Variants in USH2A observed in about 807,000 individuals in gnomAD.
The protein encoded by USH2A is Usher syndrome 2A (autosomal recessive, mild).
Under a neutral mutation model 538.9 loss-of-function variants are expected in USH2A, and 443 were observed. That is an observed-to-expected ratio of 0.82 (90% CI 0.76 to 0.89). USH2A has a LOEUF of 0.89. Among genes scored for constraint, USH2A ranks in the 40% least tolerant of loss-of-function variants. USH2A has a pLI of 0.00. For missense variants in USH2A, 6,633 were observed against 6,324.8 expected, an observed-to-expected ratio of 1.05 and a Z score of -1.65; for synonymous variants, 2,413 against 2,273.5, an observed-to-expected ratio of 1.06 and a Z score of -1.75.
intron 21 of USH2A, among the ~76,000 whole-genome samples, chr1:216,130,764 G>A (rs442384): frequency 0.33 from 49,798 of 150,292 alleles, 9,177 homozygotes; most frequent in East Asian, 0.71. Flanking sequence ...GATTTGTGCC[G>A]CTATAAACAT....
intron 68 of USH2A, among the ~76,000 whole-genome samples, chr1:215,639,789 A>C (rs1259816935): frequency 6.6e-6 from 1 of 152,224 alleles, no homozygotes; most frequent in African/African-American, 2.4e-5. Flanking sequence ...CCAGGTGACC[A>C]TGAACTGTAA....
At chr1:215,626,180 G>A (rs554544579) in intron 71 of USH2A, among the ~76,000 whole-genome samples, 145 of 150,806 alleles carry the variant, frequency 9.6e-4, no homozygotes, top group South Asian at 3.8e-3. Context: ...GTGTGTGTGT[G>A]TACATATATA....
intron 21 of USH2A, among the ~76,000 whole-genome samples, chr1:216,137,830 G>A (rs1047378012): frequency 2.6e-5 from 4 of 152,046 alleles, no homozygotes; most frequent in Non-Finnish European, 5.9e-5. Context: ...ATCCAATCAA[G>A]TTGACACTCA....
chr1:216,420,466 C>T (rs1036601719), intron 2 of USH2A, among the ~76,000 whole-genome samples: 1 of 151,960 alleles, frequency 6.6e-6, no homozygotes, highest in Non-Finnish European at 1.5e-5. Context: ...GCAAACACCC[C>T]GAAATTCCCC....
At chr1:216,185,493 T>C (rs2034580657) in intron 20 of USH2A, among the ~76,000 whole-genome samples, 1 of 151,940 alleles carries the variant, frequency 6.6e-6, no homozygotes, top group African/African-American at 2.4e-5. Flanking sequence ...TTACTACTTC[T>C]AATTTGTGGT....
chr1:216,409,580 C>A (rs1185740363), intron 3 of USH2A, among the ~76,000 whole-genome samples: 2 of 152,012 alleles, frequency 1.3e-5, no homozygotes, highest in African/African-American at 4.8e-5. Flanking sequence ...AAGGCCATCA[C>A]ACCTACCACC....
rs138640979 is a variant in USH2A, at chr1:215,996,317, A to C, written c.6657+2570T>G. On this transcript the variant is annotated intron_variant, in intron 34 of 71. Coordinates refer to ENST00000307340, the MANE Select transcript of USH2A (RefSeq NM_206933.4). ...CGAAGAAAAAGAAAAAGGCCACTTGATCCATAATTACTTAAAAAGTGAAGC... is the reference window on the plus strand; with the variant it reads ...CGAAGAAAAAGAAAAAGGCCACTTGCTCCATAATTACTTAAAAAGTGAAGC... Among the ~76,000 whole-genome samples the C allele has an allele frequency of 2.0e-5, 3 of 152,312 alleles. No homozygotes were observed. In the East Asian group the frequency reaches 5.8e-4, roughly 29 times the overall value.
intron 21 of USH2A, among the ~76,000 whole-genome samples, chr1:216,151,425 T>G (rs923897647): frequency 3.3e-5 from 5 of 152,078 alleles, no homozygotes; most frequent in Admixed American, 6.5e-5. Flanking sequence ...AGCTCCCTGT[T>G]CCCCTCATGA....
At position 216,082,565 on chromosome 1, in the gene USH2A, T is replaced by A. The variant is rs546902014; in HGVS notation, c.5298+891A>T. On this transcript the variant is annotated intron_variant, in intron 26 of 71. Coordinates refer to ENST00000307340, the MANE Select transcript of USH2A (RefSeq NM_206933.4). The stretch of plus-strand genomic sequence containing the variant: ...CAAGAATCTAAGGGTAAGATGTTCA[T>A]ATTTTTCTCCTGTTTCTATGCTAGT... Among the ~76,000 whole-genome samples, 7 of 152,186 alleles carry A rather than the reference T, an allele frequency of 4.6e-5. No individual in the cohort carries two copies. In the East Asian group the frequency reaches 9.7e-4, roughly 21 times the overall value.
rs540706021 is a variant in USH2A, at chr1:215,988,526, G to A, written c.6805+4494C>T. Among the ~76,000 whole-genome samples the A allele has an allele frequency of 1.7e-4, 26 of 152,286 alleles. 1 individual carries two copies. The East Asian group carries it at 5.0e-3, about 29-fold the overall frequency. On this transcript the variant is annotated intron_variant, in intron 35 of 71. Transcript: ENST00000307340. ...AATTCTTTTGGATATATTTCAAGAA[G>A]TGGGATTGCTACATCATCTAATAAT...
intron 9 of USH2A, among the ~76,000 whole-genome samples, chr1:216,310,618 T>G (rs1464323203): frequency 6.6e-6 from 1 of 152,220 alleles, no homozygotes; most frequent in East Asian, 1.9e-4. Flanking sequence ...TCCATTCTGA[T>G]GGTGAGAGCT....
At position 216,218,633 on chromosome 1, in the gene USH2A, T is replaced by C. The variant is rs144370927; in HGVS notation, c.2994-1083A>G. Among the ~76,000 whole-genome samples the C allele has an allele frequency of 1.2e-4, 19 of 152,228 alleles. No homozygotes were observed. In the East Asian group the frequency reaches 3.3e-3, roughly 26 times the overall value. Reference sequence around the variant, plus strand: ...TGCCAAATAAGCTGCAAATTTGTTTTATGGACTAATATCCCCTTGGGAATA... The same window carrying C: ...TGCCAAATAAGCTGCAAATTTGTTTCATGGACTAATATCCCCTTGGGAATA... On this transcript the variant is annotated intron_variant, in intron 14 of 71. Coordinates refer to ENST00000307340, the MANE Select transcript of USH2A (RefSeq NM_206933.4).
rs1656591387 is a variant in USH2A at position 215,639,072 on chromosome 1, T to C, written c.15052+83A>G. 2.0e-5 allele frequency: 26 copies of C among 1,290,874 alleles called. No homozygotes were observed. In the East Asian group the frequency reaches 6.0e-4, roughly 30 times the overall value. 80.0% of individuals were successfully genotyped at this position (1,290,874 alleles called of 1,614,324 possible). Reference sequence around the variant, plus strand: ...ATAGTCTATGCTAATATATTAGGACTCCAAGTATGTATAAACAAACATATG... The same window carrying C: ...ATAGTCTATGCTAATATATTAGGACCCCAAGTATGTATAAACAAACATATG... On this transcript the variant is annotated intron_variant, in intron 69 of 71. Coordinates refer to ENST00000307340, the MANE Select transcript of USH2A (RefSeq NM_206933.4).
chr1:216,139,411 T>C (rs2102609512), intron 21 of USH2A, among the ~76,000 whole-genome samples: 1 of 147,742 alleles, frequency 6.8e-6, no homozygotes, highest in East Asian at 2.0e-4. Flanking sequence ...TCTTCCCCTC[T>C]ACAGAAAAAA....
At chr1:216,077,137 A>G (rs368565697) in intron 27 of USH2A, among the ~76,000 whole-genome samples, 5 of 152,138 alleles carry the variant, frequency 3.3e-5, no homozygotes, top group African/African-American at 1.2e-4. Flanking sequence ...CTTGTTATGA[A>G]TAATTGACTC....
In USH2A at chr1:216,053,150, A is replaced by G. The variant is rs372303258; in HGVS notation, c.6050-4503T>C. On this transcript the variant is annotated intron_variant, in intron 30 of 71. Coordinates refer to ENST00000307340, the MANE Select transcript of USH2A (RefSeq NM_206933.4). ...TTGATACATAAAGAAGAATGTTTGC[A>G]TACGGGCCAAGTAGACAATGACATT... Among the ~76,000 whole-genome samples, 41 of 152,400 alleles carry G rather than the reference A, an allele frequency of 2.7e-4. No individual in the cohort carries two copies. In the South Asian group the frequency reaches 8.1e-3, roughly 30 times the overall value.
At chr1:215,792,951 T>C (rs1326741530) in intron 50 of USH2A, among the ~76,000 whole-genome samples, 1 of 152,190 alleles carries the variant, frequency 6.6e-6, no homozygotes, top group African/African-American at 2.4e-5. Context: ...AGTAAAGTGG[T>C]ACAGTACACA....
At chr1:215,976,962 G>T (rs1317616362) in intron 35 of USH2A, among the ~76,000 whole-genome samples, 1 of 151,220 alleles carries the variant, frequency 6.6e-6, no homozygotes, top group East Asian at 1.9e-4. Context: ...GGTGGAATTT[G>T]GGTGTGAATC....
At chr1:215,884,414 AGAG>A (rs1202542651) in intron 41 of USH2A, among the ~76,000 whole-genome samples, 3 of 152,186 alleles carry the variant, frequency 2.0e-5, no homozygotes, top group Non-Finnish European at 2.9e-5. Flanking sequence ...GTAAAGAAGT[AGAG>A]AAGAACATAG....
Sources: gnomAD v4.1 joint callset for allele counts (sites outside exome capture counted in the v4.1 genomes callset) on GRCh38, gnomAD v4.1.1 for gene constraint, MANE v1.5 for transcripts, NCBI Gene and HGNC (gene_info 2026-07-23, HGNC 2026-07-21) for gene names.